CMIP: variants seen among roughly 807,000 people sequenced by gnomAD.
CMIP encodes c-Maf inducing protein, also known as C-Maf-inducing protein.
Under a neutral mutation model 97.3 loss-of-function variants are expected in CMIP, and 13 were observed. The observed-to-expected ratio is 0.13, with a 90% CI of 0.09 to 0.21. CMIP has a LOEUF of 0.21. Among genes scored for constraint, CMIP ranks in the 10% least tolerant of loss-of-function variants. CMIP has a pLI of 1.00. For synonymous variants in CMIP, 538 were observed against 436.3 expected, an observed-to-expected ratio of 1.23 and a Z score of -2.91; for missense variants, 847 against 1,024.9, an observed-to-expected ratio of 0.83 and a Z score of 2.37.
Position 81,593,184 on chromosome 16 carries a change from C to T in CMIP, c.301-14383C>T, listed in dbSNP as rs565584532. Among the ~76,000 whole-genome samples, 11 of 152,306 alleles carry T rather than the reference C, an allele frequency of 7.2e-5. No individual in the cohort carries two copies. In the South Asian group the frequency reaches 2.3e-3, roughly 32 times the overall value. ...TGCCTCTTGACCGTCTCCACAGAGC[C>T]CCAGGCACCAGCTCTGCCCTCCCAG... On this transcript the variant is annotated intron_variant, in intron 1 of 20. Transcript: ENST00000537098.
intron 1 of CMIP, among the ~76,000 whole-genome samples, chr16:81,499,870 G>A (rs1035859395): frequency 6.6e-6 from 1 of 152,248 alleles, no homozygotes; most frequent in African/African-American, 2.4e-5. Context: ...TTGTCAGCCC[G>A]GGCGAGACTC....
chr16:81,523,254 C>A (rs912341557), intron 1 of CMIP, among the ~76,000 whole-genome samples: 3 of 152,204 alleles, frequency 2.0e-5, no homozygotes, highest in Non-Finnish European at 4.4e-5. Flanking sequence ...TGCAGCTTGC[C>A]TTTTTCCACC....
At chr16:81,591,769 C>G (rs533763746) in intron 1 of CMIP, among the ~76,000 whole-genome samples, 1 of 151,676 alleles carries the variant, frequency 6.6e-6, no homozygotes, top group South Asian at 2.1e-4. Flanking sequence ...AATGAACCCA[C>G]TGAAGATTTC....
At chr16:81,480,519 G>A (rs868095169) in intron 1 of CMIP, among the ~76,000 whole-genome samples, 5 of 152,178 alleles carry the variant, frequency 3.3e-5, no homozygotes, top group Non-Finnish European at 7.3e-5. Context: ...CAGCCTGGGC[G>A]ACAGAGTGAG....
chr16:81,593,229 G>A (rs1398417047), intron 1 of CMIP, among the ~76,000 whole-genome samples: 2 of 152,182 alleles, frequency 1.3e-5, no homozygotes, highest in Admixed American at 6.5e-5. Flanking sequence ...AGGCTGTGCT[G>A]CTGAGGTCTG....
In CMIP at chr16:81,621,207, T is replaced by G. The variant is rs1012818751; in HGVS notation, c.477+281T>G. ...ATCATAGAACTGCTTGCTCTCAGAG[T>G]GAGGGCGACCCTGAGGGGAGTCCAG... On this transcript the variant is annotated intron_variant, in intron 3 of 20. Transcript: ENST00000537098. This position sits in a 1 kb window ranked among gnomAD's most constrained non-coding sequence, Gnocchi z 4.1. 3.0e-6 allele frequency: 1 copy of G among 328,240 alleles called. No homozygotes were observed. Among genetic ancestry groups the G allele is most frequent in the African/African-American group, 2.1e-5 (1 of 47,666 alleles). The allele number at this position is 328,240 out of a possible 1,614,324, so 20.3% of individuals were successfully genotyped here. A position where few individuals can be genotyped will look rare whatever the true frequency, so the allele number is the denominator to read the frequency against.
chr16:81,553,390 C>T (rs1315212454), intron 1 of CMIP, among the ~76,000 whole-genome samples: 1 of 152,200 alleles, frequency 6.6e-6, no homozygotes, highest in African/African-American at 2.4e-5. Context: ...CAGGACTGGG[C>T]AGGCTGGGTC....
intron 1 of CMIP, among the ~76,000 whole-genome samples, chr16:81,543,811 T>C (rs2090493038): frequency 6.6e-6 from 1 of 152,242 alleles, no homozygotes. Flanking sequence ...GTTTGAGTCA[T>C]TGTTTAAAAA....
intron 1 of CMIP, among the ~76,000 whole-genome samples, chr16:81,581,787 G>T (rs1316171742): frequency 2.0e-5 from 3 of 152,220 alleles, no homozygotes; most frequent in Admixed American, 2.0e-4. Flanking sequence ...GGGTGGCAGA[G>T]CTGGGGTTGG....
intron 1 of CMIP, among the ~76,000 whole-genome samples, chr16:81,582,833 C>T (rs867753121): frequency 1.3e-5 from 2 of 152,096 alleles, no homozygotes; most frequent in African/African-American, 2.4e-5. Flanking sequence ...AGCACAAAGT[C>T]GGCGGGGGTA....
chr16:81,472,171 T>TA (rs1298230746), intron 1 of CMIP, among the ~76,000 whole-genome samples: 1 of 152,244 alleles, frequency 6.6e-6, no homozygotes, highest in Non-Finnish European at 1.5e-5. Context: ...AAATCTCACT[T>TA]ATTGCATTTG....
intron 14 of CMIP, chr16:81,698,179 C>G (rs1451797598): frequency 6.6e-6 from 1 of 152,262 alleles, no homozygotes; most frequent in Non-Finnish European, 1.5e-5. Flanking sequence ...CATGGAGATG[C>G]ATGGCTTGGA....
intron 9 of CMIP, among the ~76,000 whole-genome samples, chr16:81,672,375 G>T (rs1466617042): frequency 1.3e-5 from 2 of 151,798 alleles, no homozygotes; most frequent in African/African-American, 4.8e-5. Flanking sequence ...ATGACACACT[G>T]GTGTGTGTGT....
In CMIP at chr16:81,696,681, C is replaced by A. The variant is rs372975039; in HGVS notation, c.1638+14C>A. 2.0e-5 allele frequency: 32 copies of A among 1,601,586 alleles called. No individual in the cohort carries two copies. In the East Asian group the frequency reaches 3.3e-4, roughly 17 times the overall value. ...TTCGCCAGCATGGTACGCAGTGGGA[C>A]CCCAGTGGGGTGACTTCCAGGGGTC... On this transcript the variant is annotated intron_variant, in intron 14 of 20. Coordinates refer to ENST00000537098, the MANE Select transcript of CMIP (RefSeq NM_198390.3).
intron 1 of CMIP, among the ~76,000 whole-genome samples, chr16:81,488,413 G>A (rs2089353741): frequency 6.6e-6 from 1 of 152,176 alleles, no homozygotes; most frequent in Non-Finnish European, 1.5e-5. Context: ...AGGATTAAAT[G>A]AGTAATACGT....
At chr16:81,535,393 C>T (rs965551200) in intron 1 of CMIP, among the ~76,000 whole-genome samples, 7 of 151,768 alleles carry the variant, frequency 4.6e-5, no homozygotes, top group South Asian at 4.2e-4. Context: ...TTAACCTTCT[C>T]GTGGGCTGTG....
chr16:81,595,257 G>A (rs1452562479), intron 1 of CMIP, among the ~76,000 whole-genome samples: 1 of 151,878 alleles, frequency 6.6e-6, no homozygotes, highest in East Asian at 1.9e-4. Context: ...TCCCTGCCCT[G>A]GAAACCATGA....
At chr16:81,702,795 T>G (rs1907569043) in intron 17 of CMIP, 126 bp downstream of exon 17, 1 of 806,830 alleles carries the variant, frequency 1.2e-6, no homozygotes, top group Non-Finnish European at 2.1e-6. Flanking sequence ...AAGGACCCCC[T>G]AGTACTTAAC....
chr16:81,546,820 C>T (rs2090555327), intron 1 of CMIP, among the ~76,000 whole-genome samples: 1 of 152,228 alleles, frequency 6.6e-6, no homozygotes, highest in African/African-American at 2.4e-5. Flanking sequence ...TGGCTATTTA[C>T]ATTGAATTAA....
Sources: allele counts gnomAD v4.1 joint callset (sites outside exome capture counted in the v4.1 genomes callset), GRCh38; gene constraint gnomAD v4.1.1; non-coding constraint Gnocchi (gnomAD v3.1); transcripts MANE v1.5; gene names NCBI Gene and HGNC (gene_info 2026-07-23, HGNC 2026-07-21).